Variants in SPRING1 observed in about 807,000 individuals in gnomAD.
The protein encoded by SPRING1 is SREBF pathway regulator in golgi 1.
SPRING1 carries 14 observed loss-of-function variants against 24.7 expected under a neutral mutation model. The observed-to-expected ratio is 0.57, with a 90% CI of 0.37 to 0.88. The LOEUF (loss-of-function observed/expected upper bound fraction) is 0.88. Ranked by LOEUF, SPRING1 falls within the 40% of genes least tolerant of loss-of-function variation. SPRING1 has a pLI of 0.00. For synonymous variants in SPRING1, 93 were observed against 106.1 expected (o/e 0.88, Z 0.76); for missense variants, 255 against 268.4 (o/e 0.95, Z 0.35).
intron 1 of SPRING1, among the ~76,000 whole-genome samples, chr12:116,724,823 C>T (rs889341228): frequency 5.3e-5 from 8 of 152,170 alleles, no homozygotes; most frequent in Admixed American, 5.2e-4. Flanking sequence ...GACTTTTGCA[C>T]ATTAGATTAA....
chr12:116,726,507 G>A (rs774465641), intron 1 of SPRING1, among the ~76,000 whole-genome samples: 4 of 152,144 alleles, frequency 2.6e-5, no homozygotes, highest in African/African-American at 7.2e-5. Flanking sequence ...TAGCAGGACC[G>A]GGAGGGGGGC....
intron 1 of SPRING1, among the ~76,000 whole-genome samples, chr12:116,737,503 G>T (rs2029853): frequency 7.4e-6 from 1 of 135,468 alleles, no homozygotes; most frequent in African/African-American, 2.8e-5. Flanking sequence ...AGGGAAGGGG[G>T]AGGAAGGAAA....
intron 1 of SPRING1, among the ~76,000 whole-genome samples, chr12:116,723,484 G>C (rs887130108): frequency 1.3e-5 from 2 of 152,164 alleles, no homozygotes; most frequent in African/African-American, 4.8e-5. Flanking sequence ...CATCATAAAT[G>C]TGTATAAAAG....
Position 116,721,085 on chromosome 12 carries a change from C to T in SPRING1, c.269-638G>A, listed in dbSNP as rs544070297. On this transcript the variant is annotated intron_variant, in intron 2 of 4. Transcript: ENST00000261318. ...AAGAAAAAAACCTCTTAATCCCCCCCTCAACTTCTTATAAATCTCATCATC... is the reference window on the plus strand; with the variant it reads ...AAGAAAAAAACCTCTTAATCCCCCCTTCAACTTCTTATAAATCTCATCATC... 9.8e-5 allele frequency among the ~76,000 whole-genome samples: 15 copies of T among 152,290 alleles called. No individual in the cohort carries two copies. In the South Asian group the frequency reaches 1.7e-3, roughly 17 times the overall value.
chr12:116,716,954 C>T lies in SPRING1; in HGVS notation c.*856G>A, dbSNP rs1870164980. On this transcript the variant is annotated 3_prime_UTR_variant, in exon 5 of 5. Transcript: ENST00000261318. ...CACTGTACCCTGGCTGAGTAGCCCA[C>T]AGTTAATTTTAAGTGGCAAAAGAAA... 1 of 152,184 alleles carries T rather than the reference C, an allele frequency of 6.6e-6. No individual in the cohort carries two copies. The highest frequency in any genetic ancestry group is 2.4e-5 in the African/African-American group (1 of 41,450). The allele number at this position is 152,184 out of a possible 1,614,324, so 9.4% of individuals were successfully genotyped here.
At position 116,728,744 on chromosome 12, in the gene SPRING1, T is replaced by C. The variant is rs749892310; in HGVS notation, c.112-5521A>G. On this transcript the variant is annotated intron_variant, in intron 1 of 4. Transcript: ENST00000261318. This position sits in a 1 kb window ranked among gnomAD's most constrained non-coding sequence, Gnocchi z 4.2. ...GTACACTCCATCTCACCATCTCCATTTTACAGAGGAAGAACCCCAACTCCC... is the reference window on the plus strand; with the variant it reads ...GTACACTCCATCTCACCATCTCCATCTTACAGAGGAAGAACCCCAACTCCC... 2.0e-5 allele frequency among the ~76,000 whole-genome samples: 3 copies of C among 152,046 alleles called. No homozygotes were observed. Among genetic ancestry groups the C allele is most frequent in the Non-Finnish European group, 4.4e-5 (3 of 68,030 alleles).
intron 1 of SPRING1, among the ~76,000 whole-genome samples, chr12:116,726,234 C>T (rs1870681237): frequency 6.6e-6 from 1 of 152,172 alleles, no homozygotes; most frequent in African/African-American, 2.4e-5. Flanking sequence ...TTTTTGTTAT[C>T]ATAGATAATA....
chr12:116,717,726 G>A lies in SPRING1; in HGVS notation c.*84C>T, dbSNP rs1428259679. On this transcript the variant is annotated 3_prime_UTR_variant, in exon 5 of 5. Transcript: ENST00000261318. This position sits in a 1 kb window ranked among gnomAD's most constrained non-coding sequence, Gnocchi z 4.2. ...GCCTTTGTCTTCTTCCTGCAGCCTG[G>A]CCCGATGGCTGAAGCTGGGTCCCAG... The A allele has an allele frequency of 8.2e-7, 1 of 1,219,158 alleles. No individual in the cohort carries two copies. The highest frequency in any genetic ancestry group is 2.6e-5 in the East Asian group (1 of 37,812). 75.5% of individuals were successfully genotyped at this position (1,219,158 alleles called of 1,614,324 possible). A position where few individuals can be genotyped will look rare whatever the true frequency, so the allele number is the denominator to read the frequency against.
At chr12:116,721,252 A>C (rs1442067769) in intron 2 of SPRING1, among the ~76,000 whole-genome samples, 1 of 152,182 alleles carries the variant, frequency 6.6e-6, no homozygotes, top group African/African-American at 2.4e-5. Flanking sequence ...GAAAAATGTA[A>C]GGATAGGTCC....
chr12:116,723,436 C>T (rs906988393), intron 1 of SPRING1, among the ~76,000 whole-genome samples: 25 of 152,324 alleles, frequency 1.6e-4, no homozygotes, highest in African/African-American at 4.8e-4. Flanking sequence ...TGCTTGAAAA[C>T]TGGCATACTT....
intron 1 of SPRING1, among the ~76,000 whole-genome samples, chr12:116,736,097 C>CA (rs1871208207): frequency 1.8e-5 from 1 of 56,554 alleles, no homozygotes; most frequent in African/African-American, 6.3e-5. Context: ...TATTTTACCA[C>CA]AATAAAAAAA....
intron 1 of SPRING1, among the ~76,000 whole-genome samples, chr12:116,733,782 C>T (rs113392414): frequency 1.3e-5 from 2 of 152,228 alleles, no homozygotes; most frequent in African/African-American, 2.4e-5. Flanking sequence ...TAGGCCTTCA[C>T]GAGTTCACTC....
chr12:116,717,657 G>A lies in SPRING1; in HGVS notation c.*153C>T, dbSNP rs1870207053. On this transcript the variant is annotated 3_prime_UTR_variant, in exon 5 of 5. Transcript: ENST00000261318. The surrounding 1 kb of genome is among the most constrained non-coding windows in gnomAD (Gnocchi z 4.2). ...AGCCCGGGTGGTGAGCGAAGCCAAA[G>A]ATGACAACACGAGAAGGGGTCAAAG... 3.1e-6 allele frequency: 2 copies of A among 635,906 alleles called. No individual in the cohort carries two copies. The highest frequency in any genetic ancestry group is 6.2e-5 in the East Asian group (2 of 32,080). 39.4% of individuals were successfully genotyped at this position (635,906 alleles called of 1,614,324 possible).
chr12:116,731,630 G>A (rs1056113205), intron 1 of SPRING1, among the ~76,000 whole-genome samples: 7 of 152,042 alleles, frequency 4.6e-5, no homozygotes, highest in African/African-American at 4.8e-5. Context: ...CACGCCTGTA[G>A]TCCCAACTAC....
At chr12:116,733,027 C>A (rs1055775510) in intron 1 of SPRING1, among the ~76,000 whole-genome samples, 1 of 152,140 alleles carries the variant, frequency 6.6e-6, no homozygotes, top group Non-Finnish European at 1.5e-5. Flanking sequence ...GGGAAATATA[C>A]AGCACAGTAA....
chr12:116,727,254 G>C (rs535777375), intron 1 of SPRING1, among the ~76,000 whole-genome samples: 12 of 152,354 alleles, frequency 7.9e-5, no homozygotes, highest in African/African-American at 2.9e-4. Context: ...AAGAGCCTCA[G>C]AGCTGTTGAG....
At position 116,717,543 on chromosome 12, in the gene SPRING1, C is replaced by A. The variant is rs1310649358; in HGVS notation, c.*267G>T. The A allele has an allele frequency of 2.8e-6, 1 of 355,066 alleles. No homozygotes were observed. The highest frequency in any genetic ancestry group is 5.2e-6 in the Non-Finnish European group (1 of 193,778). The allele number at this position is 355,066 out of a possible 1,614,324, so 22.0% of individuals were successfully genotyped here. ...GCTGAGTCATCCAAGAACTCCACCA[C>A]CACCGTGAGCCCGGCCTCCGGTTTC... On this transcript the variant is annotated 3_prime_UTR_variant, in exon 5 of 5. Transcript: ENST00000261318. The surrounding 1 kb of genome is among the most constrained non-coding windows in gnomAD (Gnocchi z 4.2).
Position 116,737,960 on chromosome 12 carries a change from G to A in SPRING1, c.-60C>T, listed in dbSNP as rs1372309030. 3.9e-6 allele frequency: 5 copies of A among 1,295,028 alleles called. No homozygotes were observed. The highest frequency in any genetic ancestry group is 6.7e-5 in the East Asian group (2 of 29,848). 80.2% of individuals were successfully genotyped at this position (1,295,028 alleles called of 1,614,324 possible). On this transcript the variant is annotated 5_prime_UTR_variant, in exon 1 of 5. Coordinates refer to ENST00000261318, the MANE Select transcript of SPRING1 (RefSeq NM_024738.4). ...CGGAACGCGGCAGGCCCGGGTCCCGGGCGGCATGGCCCCTACGCGCCCGGC... is the reference window on the plus strand; with the variant it reads ...CGGAACGCGGCAGGCCCGGGTCCCGAGCGGCATGGCCCCTACGCGCCCGGC...
rs545896438 is a variant in SPRING1 at position 116,716,004 on chromosome 12, G to A, written c.*1806C>T. On this transcript the variant is annotated 3_prime_UTR_variant, in exon 5 of 5. Coordinates refer to ENST00000261318, the MANE Select transcript of SPRING1 (RefSeq NM_024738.4). The stretch of plus-strand genomic sequence containing the variant: ...TTAAAATAAGCTCAAAGGAGAGGCT[G>A]ATTCCAATGTCAACCCAGGGAAGAC... The A allele has an allele frequency of 2.0e-5, 3 of 152,316 alleles. No homozygotes were observed. Among genetic ancestry groups the A allele is most frequent in the African/African-American group, 7.2e-5 (3 of 41,568 alleles). 9.4% of individuals were successfully genotyped at this position (152,316 alleles called of 1,614,324 possible).
Sources: allele counts gnomAD v4.1 joint callset (sites outside exome capture counted in the v4.1 genomes callset), GRCh38; gene constraint gnomAD v4.1.1; non-coding constraint Gnocchi (gnomAD v3.1); transcripts MANE v1.5; gene names NCBI Gene and HGNC (gene_info 2026-07-23, HGNC 2026-07-21).